Variants in MGAT4C observed in about 807,000 individuals in gnomAD.
MGAT4C encodes the protein MGAT4 family member C, also known as alpha-1,3-mannosyl-glycoprotein 4-beta-N-acetylglucosaminyltransferase C.
A neutral mutation model predicts 40.1 loss-of-function variants in MGAT4C; 19 were observed. The ratio of observed to expected loss-of-function variants is 0.47; its 90% CI spans 0.33 to 0.70. The LOEUF (loss-of-function observed/expected upper bound fraction) is 0.70, where lower values mean the gene tolerates loss of function less well. MGAT4C is among the 30% of genes least tolerant of loss of function. The probability of loss-of-function intolerance (pLI) is 0.02; values close to 1 mark genes in which losing one functional copy is unlikely to be tolerated. For synonymous variants in MGAT4C, 181 were observed against 187.1 expected (o/e 0.97, Z 0.27); for missense variants, 491 against 563.2 (o/e 0.87, Z 1.30).
At chr12:86,144,842 A>G (rs1448152232) in intron 1 of MGAT4C, among the ~76,000 whole-genome samples, 1 of 152,168 alleles carries the variant, frequency 6.6e-6, no homozygotes. Flanking sequence ...TGGAGATTTT[A>G]AATTATTTTC....
At chr12:86,543,634 T>G (rs953442970) in intron 2 of MGAT4C, among the ~76,000 whole-genome samples, 1 of 152,168 alleles carries the variant, frequency 6.6e-6, no homozygotes, top group African/African-American at 2.4e-5. Context: ...ATAGAAAACT[T>G]TCAGATAATG....
At chr12:86,749,066 T>A (rs1398877570) in intron 1 of MGAT4C, among the ~76,000 whole-genome samples, 1 of 151,486 alleles carries the variant, frequency 6.6e-6, no homozygotes, top group East Asian at 1.9e-4. Context: ...TAAACCTGCC[T>A]AAACTACTCT....
chr12:86,115,824 C>A (rs1365477778), intron 1 of MGAT4C, among the ~76,000 whole-genome samples: 1 of 152,018 alleles, frequency 6.6e-6, no homozygotes, highest in Non-Finnish European at 1.5e-5. Flanking sequence ...GAACATCTAT[C>A]TACCTTGTGA....
chr12:86,509,738 GA>G (rs1958539256), intron 2 of MGAT4C, among the ~76,000 whole-genome samples: 1 of 152,018 alleles, frequency 6.6e-6, no homozygotes, highest in African/African-American at 2.4e-5. Context: ...TTATTTCATT[GA>G]GCAGTGGTTT....
chr12:86,022,155 A>C (rs1183139438), intron 2 of MGAT4C, among the ~76,000 whole-genome samples: 2 of 152,258 alleles, frequency 1.3e-5, no homozygotes, highest in African/African-American at 4.8e-5. Flanking sequence ...TGTGCTATGC[A>C]CAATGACTGC....
chr12:86,650,953 G>C (rs1377927403), intron 2 of MGAT4C, among the ~76,000 whole-genome samples: 2 of 151,866 alleles, frequency 1.3e-5, no homozygotes, highest in African/African-American at 4.8e-5. Context: ...ATTATGTGCA[G>C]TTCCAAAAGT....
At chr12:86,631,289 T>C (rs938508001) in intron 2 of MGAT4C, among the ~76,000 whole-genome samples, 3 of 152,144 alleles carry the variant, frequency 2.0e-5, no homozygotes, top group Non-Finnish European at 2.9e-5. Flanking sequence ...TCCATGCTCA[T>C]GGATAGGAAG....
intron 2 of MGAT4C, among the ~76,000 whole-genome samples, chr12:86,585,734 A>ATTTTTTTTTT (rs1960995936): frequency 8.1e-5 from 3 of 37,240 alleles, no homozygotes; most frequent in Admixed American, 3.3e-4. Flanking sequence ...TATTTTTTTT[A>ATTTTTTTTTT]ATTTTTTTTT....
chr12:85,997,724 G>A (rs552760551), intron 2 of MGAT4C, among the ~76,000 whole-genome samples: 2 of 152,200 alleles, frequency 1.3e-5, no homozygotes, highest in Non-Finnish European at 2.9e-5. Context: ...GATGCAAAAG[G>A]TTGGTTTCCA....
At chr12:86,723,666 G>T (rs531473356) in intron 2 of MGAT4C, among the ~76,000 whole-genome samples, 3 of 152,098 alleles carry the variant, frequency 2.0e-5, no homozygotes, top group Non-Finnish European at 4.4e-5. Flanking sequence ...TCCAAATAAG[G>T]TCACATTCTA....
intron 1 of MGAT4C, among the ~76,000 whole-genome samples, chr12:86,116,127 A>G (rs1878373790): frequency 6.6e-6 from 1 of 151,976 alleles, no homozygotes; most frequent in Non-Finnish European, 1.5e-5. Context: ...CTATAGCAGG[A>G]AAAATGACAG....
At chr12:86,126,269 T>C (rs1424863160) in intron 1 of MGAT4C, among the ~76,000 whole-genome samples, 2 of 151,872 alleles carry the variant, frequency 1.3e-5, no homozygotes, top group African/African-American at 4.8e-5. Context: ...AGAATATATA[T>C]GTATATAAAA....
chr12:86,782,111 G>A (rs973297227), intron 1 of MGAT4C, among the ~76,000 whole-genome samples: 2 of 148,336 alleles, frequency 1.3e-5, no homozygotes, highest in African/African-American at 5.0e-5. Flanking sequence ...TCCTGCCTCA[G>A]CCTTCTGAGT....
chr12:86,790,497 T>A (rs192591241), intron 1 of MGAT4C, among the ~76,000 whole-genome samples: 2 of 152,218 alleles, frequency 1.3e-5, no homozygotes, highest in East Asian at 1.9e-4. Flanking sequence ...CGAAAAGAAA[T>A]CATCTTAAAA....
chr12:86,209,812 A>C (rs1950389074), intron 1 of MGAT4C, among the ~76,000 whole-genome samples: 1 of 152,176 alleles, frequency 6.6e-6, no homozygotes, highest in Non-Finnish European at 1.5e-5. Context: ...TAGAGTTCTC[A>C]GTTCTCTATT....
At chr12:86,134,849 G>A (rs780569384) in intron 1 of MGAT4C, among the ~76,000 whole-genome samples, 12 of 152,192 alleles carry the variant, frequency 7.9e-5, no homozygotes, top group South Asian at 4.1e-4. Flanking sequence ...AGAGAAAGTC[G>A]TTTGTCAAAT....
At chr12:85,989,848 T>A (rs1374736084) in intron 2 of MGAT4C, among the ~76,000 whole-genome samples, 1 of 152,054 alleles carries the variant, frequency 6.6e-6, no homozygotes, top group African/African-American at 2.4e-5. Context: ...AGGCCTCTGA[T>A]GAGAAACAGT....
At chr12:86,276,276 T>C (rs1953079824) in intron 4 of MGAT4C, among the ~76,000 whole-genome samples, 1 of 152,172 alleles carries the variant, frequency 6.6e-6, no homozygotes, top group African/African-American at 2.4e-5. Flanking sequence ...AATCTATTTT[T>C]CAATTTTTAA....
intron 2 of MGAT4C, among the ~76,000 whole-genome samples, chr12:86,435,663 A>G (rs775588526): frequency 2.0e-5 from 3 of 151,942 alleles, no homozygotes; most frequent in Non-Finnish European, 2.9e-5. Flanking sequence ...TCTTTCATTT[A>G]CTATTTGATA....
Sources: gnomAD v4.1 joint callset for allele counts (sites outside exome capture counted in the v4.1 genomes callset) on GRCh38, gnomAD v4.1.1 for gene constraint, MANE v1.5 for transcripts, NCBI Gene and HGNC (gene_info 2026-07-23, HGNC 2026-07-21) for gene names.